STK32B: variants seen among roughly 807,000 people sequenced by gnomAD.
STK32B encodes serine/threonine kinase 32B.
Under a neutral mutation model 52.6 loss-of-function variants are expected in STK32B, and 43 were observed. The ratio of observed to expected loss-of-function variants is 0.82; its 90% CI spans 0.64 to 1.05. The LOEUF is 1.05. STK32B is among the 50% of genes least tolerant of loss of function. The pLI is 0.00. For synonymous variants in STK32B, 238 were observed against 204.3 expected (o/e 1.17, Z -1.41); for missense variants, 621 against 534.6 (o/e 1.16, Z -1.59).
chr4:5,175,576 C>G (rs1331825802), intron 3 of STK32B, among the ~76,000 whole-genome samples: 1 of 152,200 alleles, frequency 6.6e-6, no homozygotes, highest in South Asian at 2.1e-4. Flanking sequence ...ACTCCAGACC[C>G]CGTTTCCCTG....
In STK32B at chr4:5,395,950, A is replaced by G. The variant is rs1251316633; in HGVS notation, c.435-2257A>G. 1.3e-5 allele frequency among the ~76,000 whole-genome samples: 2 copies of G among 152,084 alleles called. No individual in the cohort carries two copies. The highest frequency in any genetic ancestry group is 2.1e-4 in the South Asian group (1 of 4,808). The stretch of plus-strand genomic sequence containing the variant: ...ATATGAGACAATGTGCGCCGGTGCA[A>G]TGTGGATGTGGGGGCGTGGCCAGGC... On this transcript the variant is annotated intron_variant, in intron 4 of 11. Coordinates refer to ENST00000282908, the MANE Select transcript of STK32B (RefSeq NM_018401.3). The surrounding 1 kb of genome is among the most constrained non-coding windows in gnomAD (Gnocchi z 4.4).
intron 6 of STK32B, among the ~76,000 whole-genome samples, chr4:5,430,771 G>A (rs1577485942): frequency 6.6e-6 from 1 of 152,184 alleles, no homozygotes; most frequent in Non-Finnish European, 1.5e-5. Flanking sequence ...TTGTTGTTCT[G>A]TGGTTATTTT....
intron 6 of STK32B, chr4:5,436,459 A>T (rs1714088258): frequency 3.1e-6 from 1 of 323,376 alleles, no homozygotes; most frequent in South Asian, 1.3e-4. Flanking sequence ...AGCCACCGTG[A>T]TGGGAAGATC....
intron 1 of STK32B, among the ~76,000 whole-genome samples, chr4:5,076,071 G>A (rs1712053308): frequency 6.6e-6 from 1 of 152,174 alleles, no homozygotes; most frequent in African/African-American, 2.4e-5. Context: ...AAGAGGATAA[G>A]CCCAGCTGTA....
At chr4:5,340,474 G>T (rs945417662) in intron 4 of STK32B, among the ~76,000 whole-genome samples, 1 of 152,198 alleles carries the variant, frequency 6.6e-6, no homozygotes, top group Non-Finnish European at 1.5e-5. Context: ...GTATTGCAAG[G>T]GTCAAGGGTG....
intron 1 of STK32B, among the ~76,000 whole-genome samples, chr4:5,124,881 C>G (rs1715268358): frequency 6.6e-6 from 1 of 152,194 alleles, no homozygotes; most frequent in South Asian, 2.1e-4. Flanking sequence ...CCCCTCCAAT[C>G]TTACTCCTGG....
intron 3 of STK32B, among the ~76,000 whole-genome samples, chr4:5,262,831 T>C (rs535499773): frequency 2.0e-5 from 3 of 152,308 alleles, no homozygotes; most frequent in South Asian, 2.1e-4. Flanking sequence ...AAATTGTTGG[T>C]TGATGTTCAT....
Position 5,479,213 on chromosome 4 carries a change from G to C in STK32B, c.1106+11143G>C, listed in dbSNP as rs181348283. On this transcript the variant is annotated intron_variant, in intron 11 of 11. Coordinates refer to ENST00000282908, the MANE Select transcript of STK32B (RefSeq NM_018401.3). The stretch of plus-strand genomic sequence containing the variant: ...CGGCTCACTGCAACCTCCGCCTCCC[G>C]GGCTCAAGCAATTCTCCTGCCTTAG... Among the ~76,000 whole-genome samples, 118 of 149,606 alleles carry C rather than the reference G, an allele frequency of 7.9e-4. 2 individuals carry two copies. Among genetic ancestry groups the C allele is most frequent in the Non-Finnish European group, 3.3e-4 (22 of 67,508 alleles).
chr4:5,210,062 C>A (rs1722814375), intron 3 of STK32B, among the ~76,000 whole-genome samples: 1 of 152,172 alleles, frequency 6.6e-6, no homozygotes, highest in Non-Finnish European at 1.5e-5. Flanking sequence ...TGAAGCTCTT[C>A]CATTGGAAAG....
intron 6 of STK32B, among the ~76,000 whole-genome samples, chr4:5,430,154 T>G (rs576093007): frequency 6.6e-6 from 1 of 152,132 alleles, no homozygotes; most frequent in Non-Finnish European, 1.5e-5. Context: ...TTGGTCATTA[T>G]CTCTGCAAAT....
intron 4 of STK32B, among the ~76,000 whole-genome samples, chr4:5,349,619 A>G (rs1000729836): frequency 6.6e-5 from 10 of 152,226 alleles, no homozygotes; most frequent in African/African-American, 2.4e-4. Flanking sequence ...CACAGTAATT[A>G]TCTGGCAACA....
At chr4:5,116,673 T>C (rs1714736459) in intron 1 of STK32B, among the ~76,000 whole-genome samples, 8 of 152,232 alleles carry the variant, frequency 5.3e-5, no homozygotes, top group Admixed American at 5.2e-4. Flanking sequence ...GATTTCTATT[T>C]CTGTGAACAT....
intron 11 of STK32B, among the ~76,000 whole-genome samples, chr4:5,493,686 G>A (rs1719945575): frequency 1.3e-5 from 2 of 152,128 alleles, no homozygotes; most frequent in Non-Finnish European, 2.9e-5. Context: ...GTCAATTTTG[G>A]ATCTTTCCTG....
In STK32B at chr4:5,317,536, C is replaced by CATAT. The variant is rs201529318; in HGVS notation, c.261-13682_261-13681insATAT. On this transcript the variant is annotated intron_variant, in intron 3 of 11. Coordinates refer to ENST00000282908, the MANE Select transcript of STK32B (RefSeq NM_018401.3). ...TAATATATTTATTATATATATATTA[C>CATAT]ATGTATATATATATATATATATAAC... 8.7e-4 allele frequency among the ~76,000 whole-genome samples: 81 copies of CATAT among 93,512 alleles called. 5 individuals are homozygous for CATAT. The highest frequency in any genetic ancestry group is 5.1e-3 in the Middle Eastern group (1 of 196). 61.3% of individuals were successfully genotyped at this position (93,512 alleles called of 152,430 possible).
chr4:5,425,028 C>T (rs1011065279), intron 6 of STK32B, among the ~76,000 whole-genome samples: 5 of 152,288 alleles, frequency 3.3e-5, no homozygotes, highest in Admixed American at 6.5e-5. Context: ...AGGGAGCCGG[C>T]GCTCGTGCCA....
intron 3 of STK32B, among the ~76,000 whole-genome samples, chr4:5,297,941 G>A (rs1729312243): frequency 6.6e-6 from 1 of 152,072 alleles, no homozygotes; most frequent in African/African-American, 2.4e-5. Flanking sequence ...GATCTTTGAT[G>A]CTGATGACAT....
intron 3 of STK32B, among the ~76,000 whole-genome samples, chr4:5,232,068 G>A (rs772557303): frequency 2.6e-5 from 4 of 152,098 alleles, no homozygotes; most frequent in Non-Finnish European, 4.4e-5. Context: ...ATAGAGGCAC[G>A]TCCCTTCCTT....
At position 5,446,836 on chromosome 4, in the gene STK32B, C is replaced by T. The variant is rs538093976; in HGVS notation, c.666+60C>T. On this transcript the variant is annotated intron_variant, in intron 7 of 11. Transcript: ENST00000282908. ...CTGTGCAGTGGGGGCTCACGTTGTA[C>T]CTGGACGGGCAGAGTCGGCAGGGCC... is the stretch of plus-strand genomic sequence containing the variant. 1.1e-4 allele frequency: 174 copies of T among 1,559,972 alleles called. No homozygotes were observed. The African/African-American group carries it at 2.2e-3, about 19-fold the overall frequency.
chr4:5,162,560 G>C (rs1260441607), intron 2 of STK32B, among the ~76,000 whole-genome samples: 1 of 152,140 alleles, frequency 6.6e-6, no homozygotes, highest in African/African-American at 2.4e-5. Flanking sequence ...TGAAATCCGT[G>C]CTAGCTAGCA....
Sources: allele counts gnomAD v4.1 joint callset (sites outside exome capture counted in the v4.1 genomes callset), GRCh38; gene constraint gnomAD v4.1.1; non-coding constraint Gnocchi (gnomAD v3.1); transcripts MANE v1.5; gene names NCBI Gene and HGNC (gene_info 2026-07-23, HGNC 2026-07-21).